The following ERP44 variants were observed in gnomAD, a reference collection of about 807,000 sequenced individuals.
The protein encoded by ERP44 is endoplasmic reticulum resident protein 44.
Under a neutral mutation model 53.4 loss-of-function variants are expected in ERP44, and 25 were observed. The observed-to-expected ratio is 0.47, with a 90% confidence interval of 0.34 to 0.65. The LOEUF (loss-of-function observed/expected upper bound fraction) is 0.65, where lower values mean the gene tolerates loss of function less well. ERP44 is among the 30% of genes least tolerant of loss of function. ERP44 has a pLI of 0.01. For missense variants in ERP44, 338 were observed against 493.2 expected, an observed-to-expected ratio of 0.69 and a Z score of 2.98; for synonymous variants, 145 against 161.2, an observed-to-expected ratio of 0.90 and a Z score of 0.76.
At chr9:100,059,357 C>G (rs952957257) in intron 2 of ERP44, among the ~76,000 whole-genome samples, 2 of 151,982 alleles carry the variant, frequency 1.3e-5, no homozygotes, top group Middle Eastern at 3.2e-3. Context: ...TAATTATATC[C>G]ACAACCACAT....
intron 1 of ERP44, among the ~76,000 whole-genome samples, chr9:100,079,319 A>C (rs559588044): frequency 2.0e-5 from 3 of 151,886 alleles, no homozygotes; most frequent in African/African-American, 7.2e-5. Flanking sequence ...CAGCTTTCGC[A>C]CTCAGACTGG....
At position 99,979,882 on chromosome 9, in the gene ERP44, C is replaced by CA; in HGVS notation, c.*2729dup. On this transcript the variant is annotated 3_prime_UTR_variant, in exon 12 of 12. Coordinates refer to ENST00000262455, the MANE Select transcript of ERP44 (RefSeq NM_015051.3). ...TAAAGTGAACATACTTCCTTGCTTGCAATCTGTTGATGGATCTCTTCTGCC... is the reference window on the plus strand; with the variant it reads ...TAAAGTGAACATACTTCCTTGCTTGCAAATCTGTTGATGGATCTCTTCTGCC... The CA allele has an allele frequency of 2.5e-6, 1 of 398,286 alleles. No homozygotes were observed. The highest frequency in any genetic ancestry group is 4.4e-6 in the Non-Finnish European group (1 of 225,838). The allele number at this position is 398,286 out of a possible 1,614,324, so 24.7% of individuals were successfully genotyped here. A position where few individuals can be genotyped will look rare whatever the true frequency, so the allele number is the denominator to read the frequency against.
intron 10 of ERP44, among the ~76,000 whole-genome samples, chr9:99,993,760 C>CAATTTGT (rs1830280938): frequency 6.6e-6 from 1 of 152,052 alleles, no homozygotes; most frequent in African/African-American, 2.4e-5. Flanking sequence ...TCCAATCTAC[C>CAATTTGT]CATCTGACAA....
intron 4 of ERP44, among the ~76,000 whole-genome samples, chr9:100,036,207 T>C (rs1222254773): frequency 6.6e-6 from 1 of 152,194 alleles, no homozygotes; most frequent in Non-Finnish European, 1.5e-5. Context: ...CTGATTACTA[T>C]GCAGCCATAA....
chr9:100,081,533 AC>A (rs1212916139), intron 1 of ERP44, among the ~76,000 whole-genome samples: 1 of 152,098 alleles, frequency 6.6e-6, no homozygotes, highest in Non-Finnish European at 1.5e-5. Flanking sequence ...TAAAAAAAAA[AC>A]CATAAATATT....
chr9:100,020,580 C>T (rs1478182731), intron 6 of ERP44, 36 bp downstream of exon 6: 1 of 1,088,160 alleles, frequency 9.2e-7, no homozygotes, highest in African/African-American at 1.5e-5. Context: ...TGGCAGCCAA[C>T]CAACCCACTA....
intron 8 of ERP44, among the ~76,000 whole-genome samples, chr9:100,012,850 C>T (rs771153470): frequency 2.3e-4 from 35 of 152,074 alleles, no homozygotes; most frequent in South Asian, 4.2e-4. Context: ...AACATAAGGC[C>T]CTGAGAAGCA....
intron 10 of ERP44, among the ~76,000 whole-genome samples, chr9:100,001,465 A>AG (rs1242072332): frequency 6.6e-6 from 1 of 152,134 alleles, no homozygotes; most frequent in Admixed American, 6.5e-5. Flanking sequence ...TTACTGTATT[A>AG]TAGTCTCCTT....
chr9:100,000,803 G>A (rs879383742), intron 10 of ERP44, among the ~76,000 whole-genome samples: 6 of 151,826 alleles, frequency 4.0e-5, no homozygotes, highest in Non-Finnish European at 8.8e-5. Context: ...TAAAAAACCA[G>A]CTATAGTTTT....
intron 1 of ERP44, among the ~76,000 whole-genome samples, chr9:100,087,266 T>G (rs957945701): frequency 6.6e-6 from 1 of 152,182 alleles, no homozygotes; most frequent in Non-Finnish European, 1.5e-5. Flanking sequence ...GCTAAGCTGA[T>G]AACTTATTCA....
chr9:100,066,116 T>C (rs1299195119), intron 1 of ERP44, among the ~76,000 whole-genome samples: 1 of 152,228 alleles, frequency 6.6e-6, no homozygotes, highest in Non-Finnish European at 1.5e-5. Context: ...CACACTAAAG[T>C]TCAGGAATAC....
At chr9:100,042,969 G>T (rs1198758106) in intron 4 of ERP44, among the ~76,000 whole-genome samples, 3 of 151,930 alleles carry the variant, frequency 2.0e-5, no homozygotes, top group African/African-American at 4.8e-5. Context: ...TAGTTTGAAA[G>T]AATCAATAGG....
intron 4 of ERP44, among the ~76,000 whole-genome samples, chr9:100,024,879 T>G (rs1043534573): frequency 1.3e-5 from 2 of 152,172 alleles, no homozygotes; most frequent in Non-Finnish European, 2.9e-5. Flanking sequence ...TATCAGTAAG[T>G]TAATTCCAAT....
chr9:100,052,604 AC>A (rs1258192931), intron 3 of ERP44, 72 bp from the exon 4 acceptor site: 2 of 782,980 alleles, frequency 2.6e-6, no homozygotes, highest in African/African-American at 3.5e-5. Context: ...GTTATTGCCC[AC>A]TGACATTTGA....
chr9:100,075,972 T>C (rs1826351224), intron 1 of ERP44, among the ~76,000 whole-genome samples: 1 of 152,158 alleles, frequency 6.6e-6, no homozygotes, highest in Non-Finnish European at 1.5e-5. Context: ...CAGTGGCAGA[T>C]AGGGATGCTG....
chr9:100,078,132 G>A (rs1046884392), intron 1 of ERP44, among the ~76,000 whole-genome samples: 5 of 152,232 alleles, frequency 3.3e-5, no homozygotes, highest in South Asian at 2.1e-4. Flanking sequence ...TGTTAAAAAC[G>A]TTTGTGCATG....
At chr9:100,059,601 T>C (rs1217219268) in intron 2 of ERP44, among the ~76,000 whole-genome samples, 1 of 152,082 alleles carries the variant, frequency 6.6e-6, no homozygotes, top group Non-Finnish European at 1.5e-5. Context: ...GGAAAGAGGA[T>C]TGCTTGAGCC....
intron 4 of ERP44, among the ~76,000 whole-genome samples, chr9:100,023,536 C>T (rs180960659): frequency 1.1e-3 from 160 of 150,910 alleles, no homozygotes; most frequent in Non-Finnish European, 1.8e-3. Flanking sequence ...GTAAGCAATT[C>T]TCCCACTTCA....
chr9:100,024,483 T>C (rs1472986879), intron 4 of ERP44, among the ~76,000 whole-genome samples: 4 of 151,120 alleles, frequency 2.6e-5, no homozygotes, highest in Non-Finnish European at 4.4e-5. Context: ...TTTGCTTATA[T>C]AGTTGTCTCT....
Sources: gnomAD v4.1 joint callset for allele counts (sites outside exome capture counted in the v4.1 genomes callset) on GRCh38, gnomAD v4.1.1 for gene constraint, MANE v1.5 for transcripts, NCBI Gene and HGNC (gene_info 2026-07-23, HGNC 2026-07-21) for gene names.